The following XIRP2 variants were observed in gnomAD, a reference collection of about 807,000 sequenced individuals.
The protein encoded by XIRP2 is xin actin binding repeat containing 2.
XIRP2 carries 236 observed loss-of-function variants against 277.0 expected under a neutral mutation model. The observed-to-expected ratio is 0.85, with a 90% CI of 0.77 to 0.95. The LOEUF is 0.95. XIRP2 is among the 40% of genes least tolerant of loss of function. XIRP2 has a pLI of 0.00. For missense variants in XIRP2, 4,640 were observed against 4,157.5 expected (o/e 1.12, Z -3.19); for synonymous variants, 1,490 against 1,416.5 (o/e 1.05, Z -1.17).
chr2:166,952,723 G>GT (rs1032293826), intron 2 of XIRP2, among the ~76,000 whole-genome samples: 19 of 149,062 alleles, frequency 1.3e-4, no homozygotes, highest in East Asian at 4.0e-4. Context: ...TCTTTACTCT[G>GT]TTTTTTTTTC....
At chr2:167,059,547 A>C (rs190850890) in intron 2 of XIRP2, among the ~76,000 whole-genome samples, 99 of 152,184 alleles carry the variant, frequency 6.5e-4, no homozygotes, top group Admixed American at 5.2e-3. Context: ...CAATCATTCC[A>C]TAAGAACTAG....
At chr2:166,948,664 A>G (rs566562066) in intron 2 of XIRP2, among the ~76,000 whole-genome samples, 2 of 152,136 alleles carry the variant, frequency 1.3e-5, no homozygotes, top group South Asian at 4.1e-4. Context: ...ATATCTGTAC[A>G]ACTTTACTAC....
At chr2:167,153,820 T>C (rs1692097153) in intron 3 of XIRP2, among the ~76,000 whole-genome samples, 1 of 150,170 alleles carries the variant, frequency 6.7e-6, no homozygotes, top group African/African-American at 2.5e-5. Flanking sequence ...GTTGGACATT[T>C]GGTTTGGTTC....
intron 2 of XIRP2, among the ~76,000 whole-genome samples, chr2:167,029,904 G>A (rs768466479): frequency 3.3e-5 from 5 of 151,934 alleles, no homozygotes; most frequent in African/African-American, 9.7e-5. Context: ...ATCAGTTCAG[G>A]GATTGGACTT....
Position 167,092,123 on chromosome 2 carries a change from G to A in XIRP2, c.409-43786G>A, listed in dbSNP as rs960449762. Among the ~76,000 whole-genome samples the A allele has an allele frequency of 3.7e-4, 57 of 152,036 alleles. 1 individual carries two copies. Among genetic ancestry groups the A allele is most frequent in the African/African-American group, 1.1e-3 (46 of 41,350 alleles). ...GCTTTTAAAATCATGTTGCTTGGGGGATTTTGAACCAAGTTACCTAGTCTG... is the reference window on the plus strand; with the variant it reads ...GCTTTTAAAATCATGTTGCTTGGGGAATTTTGAACCAAGTTACCTAGTCTG... On this transcript the variant is annotated intron_variant, in intron 2 of 10. Coordinates refer to ENST00000409195, the MANE Select transcript of XIRP2 (RefSeq NM_152381.6).
Position 167,037,990 on chromosome 2 carries a change from G to A in XIRP2, c.409-97919G>A, listed in dbSNP as rs534916128. On this transcript the variant is annotated intron_variant, in intron 2 of 10. Transcript: ENST00000409195. ...AAAAAAGGCAAGAAAAGTTAAATTCGAATAGTACTAAATGAAAGCTAAAGT... is the reference window on the plus strand; with the variant it reads ...AAAAAAGGCAAGAAAAGTTAAATTCAAATAGTACTAAATGAAAGCTAAAGT... Among the ~76,000 whole-genome samples the A allele has an allele frequency of 5.6e-4, 85 of 151,932 alleles. No individual in the cohort carries two copies. In the South Asian group the frequency reaches 0.015, roughly 26 times the overall value.
intron 2 of XIRP2, among the ~76,000 whole-genome samples, chr2:166,946,065 A>G (rs146945224): frequency 6.7e-4 from 102 of 152,218 alleles, no homozygotes; most frequent in African/African-American, 2.3e-3. Context: ...TATCTTTTCT[A>G]TGGTTTCTGT....
chr2:166,960,736 AT>A (rs1425603263), intron 2 of XIRP2, among the ~76,000 whole-genome samples: 1 of 151,812 alleles, frequency 6.6e-6, no homozygotes, highest in Non-Finnish European at 1.5e-5. Flanking sequence ...AAACATGAGC[AT>A]AATGAATATT....
chr2:166,969,982 C>T (rs917364413), intron 2 of XIRP2, among the ~76,000 whole-genome samples: 4 of 151,944 alleles, frequency 2.6e-5, no homozygotes, highest in Middle Eastern at 3.4e-3. Context: ...CATTAGCATT[C>T]GGATCATTTT....
chr2:167,002,038 G>C (rs1053561173), intron 2 of XIRP2, among the ~76,000 whole-genome samples: 1 of 151,984 alleles, frequency 6.6e-6, no homozygotes, highest in African/African-American at 2.4e-5. Context: ...CACTAAAGCA[G>C]CATTTTAATT....
Position 167,242,666 on chromosome 2 carries a change from C to T in XIRP2, c.1274C>T (p.Thr425Ile). Residue 425 changes from threonine (T) to isoleucine (I), a missense_variant, in exon 9 of 11, where the codon ACT (threonine) becomes ATT (isoleucine). By Grantham distance (89) the Thr-to-Ile change is moderately conservative (BLOSUM62 -1). Transcript: ENST00000409195. ...ACCAGCCAGAGGAAGGAAACATCAA[C>T]TACAAGATATAGTGATCACAGTGTC... ...VSTSQRKETS[T>I]TRYSDHSVTS... The T allele has an allele frequency of 1.9e-6, 3 of 1,614,146 alleles. No individual in the cohort carries two copies. The highest frequency in any genetic ancestry group is 1.6e-4 in the Middle Eastern group (1 of 6,062).
At chr2:167,051,991 G>A (rs1472937763) in intron 2 of XIRP2, among the ~76,000 whole-genome samples, 1 of 151,952 alleles carries the variant, frequency 6.6e-6, no homozygotes, top group Non-Finnish European at 1.5e-5. Flanking sequence ...TTCATTTCAA[G>A]TGTTTAAGCA....
intron 2 of XIRP2, among the ~76,000 whole-genome samples, chr2:166,953,510 C>A (rs1172832862): frequency 6.6e-6 from 1 of 151,880 alleles, no homozygotes; most frequent in Non-Finnish European, 1.5e-5. Flanking sequence ...CAGACTAATA[C>A]CTGTGTCTTC....
intron 2 of XIRP2, among the ~76,000 whole-genome samples, chr2:167,034,270 C>T (rs1465629823): frequency 6.6e-6 from 1 of 151,650 alleles, no homozygotes; most frequent in African/African-American, 2.4e-5. Context: ...TGCATGGTAA[C>T]ATTAAATAAA....
At chr2:167,190,521 A>T (rs190677647) in intron 3 of XIRP2, among the ~76,000 whole-genome samples, 4 of 152,308 alleles carry the variant, frequency 2.6e-5, no homozygotes, top group Admixed American at 6.5e-5. Context: ...TATTATGTCC[A>T]CAATATGGTC....
intron 2 of XIRP2, among the ~76,000 whole-genome samples, chr2:166,963,829 C>T (rs757927906): frequency 2.5e-4 from 38 of 151,708 alleles, no homozygotes; most frequent in African/African-American, 4.8e-5. Context: ...ATTTTTAAAT[C>T]GATGGAAAGC....
chr2:167,143,079 C>A (rs1251351261), intron 3 of XIRP2, among the ~76,000 whole-genome samples: 2 of 152,126 alleles, frequency 1.3e-5, no homozygotes, highest in African/African-American at 4.8e-5. Context: ...CTCATGAATT[C>A]TTTTCGGTAT....
chr2:167,191,910 A>G (rs1693350936), intron 3 of XIRP2, among the ~76,000 whole-genome samples: 1 of 152,214 alleles, frequency 6.6e-6, no homozygotes, highest in Non-Finnish European at 1.5e-5. Flanking sequence ...TGTAATACCA[A>G]AAGAGTTTAT....
chr2:166,947,654 G>A (rs1450013749), intron 2 of XIRP2, among the ~76,000 whole-genome samples: 1 of 152,040 alleles, frequency 6.6e-6, no homozygotes, highest in Admixed American at 6.6e-5. Context: ...TTTGTTGCTG[G>A]TGGGAACGTA....
Sources: allele counts gnomAD v4.1 joint callset (sites outside exome capture counted in the v4.1 genomes callset), GRCh38; gene constraint gnomAD v4.1.1; transcripts MANE v1.5; gene names NCBI Gene and HGNC (gene_info 2026-07-23, HGNC 2026-07-21).